UBTF: variants seen among roughly 807,000 people sequenced by gnomAD.
The protein encoded by UBTF is upstream binding transcription factor.
UBTF carries 8 observed loss-of-function variants against 112.3 expected under a neutral mutation model. That is an observed-to-expected ratio of 0.07 (90% CI 0.04 to 0.13). UBTF has a LOEUF of 0.13. Among genes scored for constraint, UBTF ranks in the 10% least tolerant of loss-of-function variants. The probability of loss-of-function intolerance (pLI) is 1.00; values close to 1 mark genes in which losing one functional copy is unlikely to be tolerated. For missense variants in UBTF, 457 were observed against 982.1 expected (o/e 0.47, Z 7.15); for synonymous variants, 417 against 373.1 (o/e 1.12, Z -1.36).
intron 5 of UBTF, among the ~76,000 whole-genome samples, chr17:44,214,151 G>C (rs904167777): frequency 3.3e-5 from 5 of 152,172 alleles, no homozygotes; most frequent in Non-Finnish European, 5.9e-5. Flanking sequence ...CACAAGAGTG[G>C]CACTGGCAGG....
chr17:44,213,468 C>A (rs2046680460), intron 5 of UBTF, 186 bp from the exon 6 acceptor site: 1 of 580,594 alleles, frequency 1.7e-6, no homozygotes, highest in East Asian at 2.9e-5. Flanking sequence ...GCTTCTACCA[C>A]AGATGGTGGG....
upstream of UBTF, chr17:44,219,743 C>G (rs2047075007): frequency 6.5e-6 from 1 of 153,698 alleles, no homozygotes; most frequent in Admixed American, 6.6e-5. Context: ...TCGCACACCC[C>G]CCGCCGCCGC....
chr17:44,207,985 G>C, intron 17 of UBTF, 74 bp from the exon 18 acceptor site: 1 of 1,578,970 alleles, frequency 6.3e-7, no homozygotes, highest in South Asian at 1.1e-5. Flanking sequence ...CCCAGTGCTA[G>C]GCAGTGGGCT....
chr17:44,210,831 C>T lies in UBTF; in HGVS notation c.1320G>A (p.Leu440=), dbSNP rs1169844443. ...ACAGGTCGTTCCACATTCGGGCCAG[C>T]AGGCGGGTCAGCTCGCTCTCGGAGA... ...PELSESELTR[L]LARMWNDLSE... The change falls in exon 13 of 21, where the codon CTG becomes CTA. Residue 440 remains leucine (L), a synonymous_variant. Transcript: ENST00000436088. The T allele has an allele frequency of 6.4e-7, 1 of 1,568,430 alleles. No homozygotes were observed. Among genetic ancestry groups the T allele is most frequent in the East Asian group, 2.4e-5 (1 of 41,978 alleles).
Position 44,207,711 on chromosome 17 carries a change from C to A in UBTF, c.2013G>T (p.Leu671=). The change falls in exon 19 of 21, where the codon CTG becomes CTT. Residue 671 remains leucine, a synonymous_variant. Transcript: ENST00000436088. ...GPNPKSSRTT[L]QSKSESEEDD... Reference sequence around the variant, plus strand: ...AGGGGCTCCTTACCGACTTGGACTGCAGAGTAGTCCGGCTGGATTTGGGGT... The same window carrying A: ...AGGGGCTCCTTACCGACTTGGACTGAAGAGTAGTCCGGCTGGATTTGGGGT... 1 of 1,614,180 alleles carries A rather than the reference C, an allele frequency of 6.2e-7. No individual in the cohort carries two copies. The highest frequency in any genetic ancestry group is 1.1e-5 in the South Asian group (1 of 91,086).
At chr17:44,212,969 C>A in intron 6 of UBTF, 30 bp from the exon 7 acceptor site, 1 of 1,611,436 alleles carries the variant, frequency 6.2e-7, no homozygotes, top group Non-Finnish European at 8.5e-7. Flanking sequence ...CAAGGATCAG[C>A]AGGGGACGCT....
Position 44,210,141 on chromosome 17 carries a change from C to T in UBTF, c.1609G>A (p.Asp537Asn). The change falls in exon 15 of 21, where the codon GAC (aspartate) becomes AAC (asparagine). Residue 537 changes from aspartate to asparagine, a missense_variant. By Grantham distance (23) the Asp-to-Asn change is conservative. Coordinates refer to ENST00000436088, the MANE Select transcript of UBTF (RefSeq NM_014233.4). ...KLMWIKKAAE[D>N]QKRYERELSE... Reference sequence around the variant, plus strand: ...ATTCCTACCTCATATCGCTTTTGGTCTTCGGCTGCCTTCTTAATCCACATC... The same window carrying T: ...ATTCCTACCTCATATCGCTTTTGGTTTTCGGCTGCCTTCTTAATCCACATC... 1 of 1,614,224 alleles carries T rather than the reference C, an allele frequency of 6.2e-7. No individual in the cohort carries two copies. The highest frequency in any genetic ancestry group is 8.5e-7 in the Non-Finnish European group (1 of 1,180,046).
chr17:44,209,857 T>A (rs2056538599), intron 15 of UBTF, 124 bp from the exon 16 acceptor site: 2 of 1,069,346 alleles, frequency 1.9e-6, no homozygotes, highest in Non-Finnish European at 2.7e-6. Flanking sequence ...GAGAAACAGG[T>A]AGCTAGTGAG....
At chr17:44,213,647 G>C (rs1180375119) in intron 5 of UBTF, among the ~76,000 whole-genome samples, 1 of 152,140 alleles carries the variant, frequency 6.6e-6, no homozygotes, top group Non-Finnish European at 1.5e-5. Flanking sequence ...AGTGGCGTCG[G>C]GTGCAGGCCT....
At chr17:44,213,843 C>T (rs1036233448) in intron 5 of UBTF, among the ~76,000 whole-genome samples, 2 of 152,186 alleles carry the variant, frequency 1.3e-5, no homozygotes, top group African/African-American at 4.8e-5. Context: ...TACCCTGCAT[C>T]TTCCTGCCCA....
chr17:44,210,247 A>G lies in UBTF; in HGVS notation c.1516-13T>C, dbSNP rs759738755. ...TCACCCGGTCATTCTGGGGACCAAT[A>G]AGGGTATCAGCCGTGGGAGGGGTCA... On this transcript the variant is annotated splice_polypyrimidine_tract_variant and intron_variant, in intron 14 of 20. Transcript: ENST00000436088. 2 of 1,614,216 alleles carry G rather than the reference A, an allele frequency of 1.2e-6. No homozygotes were observed. The highest frequency in any genetic ancestry group is 1.7e-5 in the Admixed American group (1 of 60,036).
intron 13 of UBTF, 55 bp from the exon 14 acceptor site, chr17:44,210,528 CCCCGCGCAGCAGCCCAGGCGCT>C: frequency 6.7e-7 from 1 of 1,499,100 alleles, no homozygotes. Context: ...GGCGCGCGCT[CCCCGCGCAGCAGCCCAGGCGCT>C]CCCGCCGGCG....
intron 8 of UBTF, 124 bp downstream of exon 8, chr17:44,212,220 C>G: frequency 1.2e-6 from 1 of 848,816 alleles, no homozygotes; most frequent in Non-Finnish European, 1.9e-6. Context: ...GTGAGGGGCC[C>G]AGAAGGCCCC....
intron 7 of UBTF, among the ~76,000 whole-genome samples, 177 bp downstream of exon 7, chr17:44,212,638 TACAC>T (rs978291665): frequency 6.6e-6 from 1 of 151,914 alleles, no homozygotes; most frequent in African/African-American, 2.4e-5. Context: ...GACTGGCTCA[TACAC>T]GCACGCACAC....
chr17:44,207,171 G>C lies in UBTF; in HGVS notation c.*71C>G. On this transcript the variant is annotated 3_prime_UTR_variant, in exon 21 of 21. Coordinates refer to ENST00000436088, the MANE Select transcript of UBTF (RefSeq NM_014233.4). ...GGGGCAAGGGACAGAACATGGGGGA[G>C]AAACAAAGGTGGTCAGTTGGGGAGG... is the stretch of plus-strand genomic sequence containing the variant. 1 of 1,569,758 alleles carries C rather than the reference G, an allele frequency of 6.4e-7. No homozygotes were observed. Among genetic ancestry groups the C allele is most frequent in the Non-Finnish European group, 8.7e-7 (1 of 1,146,482 alleles).
Position 44,211,334 on chromosome 17 carries a change from G to A in UBTF, c.1048-3C>T. 1 of 1,614,084 alleles carries A rather than the reference G, an allele frequency of 6.2e-7. No individual in the cohort carries two copies. Among genetic ancestry groups the A allele is most frequent in the Non-Finnish European group, 8.5e-7 (1 of 1,180,014 alleles). On this transcript the variant is annotated splice_polypyrimidine_tract_variant and splice_region_variant and intron_variant, in intron 10 of 20. Transcript: ENST00000436088. The surrounding 1 kb of genome is among the most constrained non-coding windows in gnomAD (Gnocchi z 4.9). ...TCCACCTCGTAATCTTTCTTTTTCT[G>A]GGAAAGTGAGTGGAGTCAGGATCAG...
At chr17:44,216,875 T>C (rs2046870679) in intron 2 of UBTF, among the ~76,000 whole-genome samples, 171 bp from the exon 3 acceptor site, 2 of 152,328 alleles carry the variant, frequency 1.3e-5, no homozygotes, top group African/African-American at 4.8e-5. Context: ...TGTGGCCATA[T>C]TGGATCAGGG....
chr17:44,208,197 A>G (rs563116032), intron 17 of UBTF, among the ~76,000 whole-genome samples: 1 of 144,056 alleles, frequency 6.9e-6, no homozygotes, highest in South Asian at 2.2e-4. Flanking sequence ...TGACCTTCCC[A>G]GGCTCAAGTG....
In UBTF at chr17:44,219,496, T is replaced by TCTTCC. The variant is rs1219901774; in HGVS notation, c.-120_-119insGGAAG. ...CCGCTCCAGCGGCTCCCTCCCTGGC[T>TCTTCC]CTGAGTGGCGGCGCCCTCCCCCGCT... On this transcript the variant is annotated 5_prime_UTR_variant, in exon 1 of 21. Transcript: ENST00000436088. 7.9e-5 allele frequency: 12 copies of TCTTCC among 152,152 alleles called. No individual in the cohort carries two copies. Among genetic ancestry groups the TCTTCC allele is most frequent in the Non-Finnish European group, 1.5e-4 (10 of 68,004 alleles). 9.4% of individuals were successfully genotyped at this position (152,152 alleles called of 1,614,324 possible). A position where few individuals can be genotyped will look rare whatever the true frequency, so the allele number is the denominator to read the frequency against.
Sources: allele counts gnomAD v4.1 joint callset (sites outside exome capture counted in the v4.1 genomes callset), GRCh38; gene constraint gnomAD v4.1.1; non-coding constraint Gnocchi (gnomAD v3.1); transcripts MANE v1.5; gene names NCBI Gene and HGNC (gene_info 2026-07-23, HGNC 2026-07-21).